PCDH11X: variants seen among roughly 807,000 people sequenced by gnomAD.
PCDH11X encodes protocadherin-11 X-linked.
PCDH11X carries 18 observed loss-of-function variants against 53.3 expected under a neutral mutation model. The ratio of observed to expected loss-of-function variants is 0.34; its 90% CI spans 0.23 to 0.50. The LOEUF is 0.50. Among genes scored for constraint, PCDH11X ranks in the 20% least tolerant of loss-of-function variants. The pLI is 0.98. For missense variants in PCDH11X, 570 were observed against 1,032.4 expected (o/e 0.55, Z 6.14); for synonymous variants, 279 against 393.3 (o/e 0.71, Z 3.44).
intron 6 of PCDH11X, among the ~76,000 whole-genome samples, chrX:92,014,212 C>T (rs1181130541): frequency 9.1e-6 from 1 of 110,249 alleles, no homozygotes; most frequent in African/African-American, 3.3e-5. Context: ...ACCCCATCAA[C>T]AAGTGGGTGA....
chrX:91,793,967 C>A (rs1251383266), intron 1 of PCDH11X, among the ~76,000 whole-genome samples: 1 of 110,881 alleles, frequency 9.0e-6, no homozygotes, highest in Non-Finnish European at 1.9e-5. Flanking sequence ...GAAACTGTTA[C>A]AAAAATATAT....
chrX:92,243,388 C>T (rs1333853535), intron 7 of PCDH11X, among the ~76,000 whole-genome samples: 1 of 109,672 alleles, frequency 9.1e-6, no homozygotes, highest in African/African-American at 3.3e-5. Flanking sequence ...ATCACTTTTG[C>T]GCCCTTTTCA....
At chrX:92,048,089 G>A (rs1473349094) in intron 6 of PCDH11X, among the ~76,000 whole-genome samples, 1 of 110,950 alleles carries the variant, frequency 9.0e-6, no homozygotes, top group African/African-American at 3.3e-5. Flanking sequence ...CATGTTTGTG[G>A]ATGCCTTAAA....
At chrX:92,333,971 A>C (rs1459476476) in intron 8 of PCDH11X, among the ~76,000 whole-genome samples, 2 of 110,693 alleles carry the variant, frequency 1.8e-5, no homozygotes, top group Non-Finnish European at 3.8e-5. Flanking sequence ...ATTCGCTTTC[A>C]GACTGTGGTT....
intron 6 of PCDH11X, among the ~76,000 whole-genome samples, chrX:92,020,728 G>C (rs1256667447): frequency 9.1e-6 from 1 of 110,485 alleles, no homozygotes; most frequent in Non-Finnish European, 1.9e-5. Flanking sequence ...TGCTCCCCAT[G>C]CCACCCAACT....
At chrX:92,126,609 CAAAAAAT>C (rs768684122) in intron 6 of PCDH11X, among the ~76,000 whole-genome samples, 22 of 106,480 alleles carry the variant, frequency 2.1e-4, no homozygotes, top group African/African-American at 6.4e-4. Flanking sequence ...AACTCTGTCT[CAAAAAAT>C]AAAAAATAAA....
chrX:91,844,112 G>A (rs374123483), intron 5 of PCDH11X, among the ~76,000 whole-genome samples: 1 of 111,800 alleles, frequency 8.9e-6, no homozygotes, highest in Non-Finnish European at 1.9e-5. Flanking sequence ...TCTGTAGGTT[G>A]AGGTTAATTA....
intron 8 of PCDH11X, among the ~76,000 whole-genome samples, chrX:92,375,824 A>G (rs1603293747): frequency 9.2e-6 from 1 of 108,182 alleles, no homozygotes; most frequent in Admixed American, 9.8e-5. Context: ...GGGTTTCACC[A>G]TCTTGGCCAG....
At chrX:92,542,394 G>C (rs2750971) in intron 10 of PCDH11X, among the ~76,000 whole-genome samples, 2 of 111,576 alleles carry the variant, frequency 1.8e-5, no homozygotes, top group Admixed American at 1.9e-4. Context: ...ATTTCCAAAC[G>C]TTTGACTTTA....
intron 7 of PCDH11X, among the ~76,000 whole-genome samples, chrX:92,259,760 G>T (rs913492406): frequency 3.6e-5 from 4 of 111,561 alleles, no homozygotes; most frequent in Non-Finnish European, 7.5e-5. Context: ...GTAGTACCTG[G>T]GTATCACTGC....
At chrX:92,212,231 C>G (rs998265862) in intron 7 of PCDH11X, among the ~76,000 whole-genome samples, 15 of 111,539 alleles carry the variant, frequency 1.3e-4, no homozygotes, top group African/African-American at 4.6e-4. Context: ...AGGCTGGTCT[C>G]AAACTACTAG....
chrX:92,051,412 A>G (rs1441219638), intron 6 of PCDH11X, among the ~76,000 whole-genome samples: 1 of 111,728 alleles, frequency 9.0e-6, no homozygotes, highest in East Asian at 2.8e-4. Context: ...TGATATAGCA[A>G]TGATTTCAAA....
chrX:91,784,390 A>G (rs976812268), intron 1 of PCDH11X, among the ~76,000 whole-genome samples: 6 of 112,335 alleles, frequency 5.3e-5, no homozygotes, highest in African/African-American at 1.9e-4. Context: ...TTTGGGGAAT[A>G]AAATTTCTCT....
At chrX:92,110,682 C>A (rs925962753) in intron 6 of PCDH11X, among the ~76,000 whole-genome samples, 2 of 111,010 alleles carry the variant, frequency 1.8e-5, no homozygotes, top group Non-Finnish European at 3.8e-5. Context: ...TTTGCATGGC[C>A]ATGGAGAAGT....
At chrX:92,235,265 A>T (rs1266868821) in intron 7 of PCDH11X, among the ~76,000 whole-genome samples, 1 of 111,163 alleles carries the variant, frequency 9.0e-6, no homozygotes, top group Non-Finnish European at 1.9e-5. Context: ...TAGCCCTGAG[A>T]TTCCCGGAGG....
chrX:92,424,183 T>TG (rs1395441425), intron 9 of PCDH11X, among the ~76,000 whole-genome samples: 4 of 39,625 alleles, frequency 1.0e-4, no homozygotes, highest in Non-Finnish European at 1.8e-4. Context: ...TATTGGCAAA[T>TG]GTTTTTTTTT....
At chrX:92,355,442 A>C (rs1358711511) in intron 8 of PCDH11X, among the ~76,000 whole-genome samples, 3 of 96,692 alleles carry the variant, frequency 3.1e-5, no homozygotes, top group Non-Finnish European at 6.1e-5. Flanking sequence ...AAAAAAAAAA[A>C]AAAAAAGAAA....
chrX:92,515,869 T>C, intron 10 of PCDH11X, among the ~76,000 whole-genome samples: 1 of 110,927 alleles, frequency 9.0e-6, no homozygotes, highest in African/African-American at 3.3e-5. Flanking sequence ...ATGTTTGATA[T>C]TTTCTATTGG....
intron 10 of PCDH11X, among the ~76,000 whole-genome samples, chrX:92,475,136 G>A (rs868713456): frequency 1.3e-5 from 1 of 77,300 alleles, no homozygotes; most frequent in Middle Eastern, 0.011. Flanking sequence ...CTGCACTCCA[G>A]CCTGGGCGAC....
Sources: gnomAD v4.1 joint callset for allele counts (sites outside exome capture counted in the v4.1 genomes callset) on GRCh38, gnomAD v4.1.1 for gene constraint, MANE v1.5 for transcripts, NCBI Gene and HGNC (gene_info 2026-07-23, HGNC 2026-07-21) for gene names.